Variants in SLIT2 observed in about 807,000 individuals in gnomAD.
SLIT2 encodes slit guidance ligand 2, also known as slit homolog 2 protein.
SLIT2 carries 41 observed loss-of-function variants against 185.7 expected under a neutral mutation model. That is an observed-to-expected ratio of 0.22 (90% CI 0.17 to 0.29). SLIT2 has a LOEUF of 0.29. SLIT2 is among the 10% of genes least tolerant of loss of function. The probability of loss-of-function intolerance (pLI) is 1.00; values close to 1 mark genes in which losing one functional copy is unlikely to be tolerated. For synonymous variants in SLIT2, 693 were observed against 680.2 expected (o/e 1.02, Z -0.29); for missense variants, 1,571 against 1,909.0 (o/e 0.82, Z 3.30).
intron 4 of SLIT2, among the ~76,000 whole-genome samples, chr4:20,428,338 T>A (rs1219173737): frequency 6.6e-6 from 1 of 152,086 alleles, no homozygotes; most frequent in African/African-American, 2.4e-5. Context: ...GCCACATGAG[T>A]CCCCTGGTGC....
chr4:20,455,623 A>G (rs188623871), intron 4 of SLIT2, among the ~76,000 whole-genome samples: 24 of 152,304 alleles, frequency 1.6e-4, no homozygotes, highest in African/African-American at 5.8e-4. Context: ...AATGGAGTAC[A>G]GATACATGCT....
intron 29 of SLIT2, among the ~76,000 whole-genome samples, chr4:20,581,566 T>C (rs1342075264): frequency 2.0e-5 from 3 of 152,158 alleles, no homozygotes; most frequent in Non-Finnish European, 4.4e-5. Flanking sequence ...CTTTCTCTCT[T>C]TCCCCCATGC....
At chr4:20,560,802 A>C (rs1048934337) in intron 26 of SLIT2, among the ~76,000 whole-genome samples, 3 of 151,932 alleles carry the variant, frequency 2.0e-5, no homozygotes, top group African/African-American at 7.3e-5. Flanking sequence ...CATGGAGATG[A>C]ATGATATGTT....
At chr4:20,482,900 A>G (rs1716847648) in intron 6 of SLIT2, among the ~76,000 whole-genome samples, 1 of 151,882 alleles carries the variant, frequency 6.6e-6, no homozygotes, top group Admixed American at 6.6e-5. Context: ...ACTTAAGGCA[A>G]AATTGGAGCA....
intron 4 of SLIT2, among the ~76,000 whole-genome samples, chr4:20,323,247 ACT>A (rs1249077459): frequency 1.3e-5 from 2 of 152,252 alleles, no homozygotes; most frequent in African/African-American, 4.8e-5. Context: ...TCGTATCAAG[ACT>A]CTGATATCTT....
intron 33 of SLIT2, among the ~76,000 whole-genome samples, chr4:20,603,513 T>C (rs1728565448): frequency 6.6e-6 from 1 of 152,158 alleles, no homozygotes; most frequent in Non-Finnish European, 1.5e-5. Context: ...TCTTTTCATC[T>C]AGAAAAACAT....
chr4:20,601,756 A>G (rs572967862), intron 33 of SLIT2, among the ~76,000 whole-genome samples: 2 of 152,344 alleles, frequency 1.3e-5, no homozygotes, highest in African/African-American at 4.8e-5. Flanking sequence ...TGTTGCAATC[A>G]GCTGTCCCAT....
intron 4 of SLIT2, among the ~76,000 whole-genome samples, chr4:20,335,398 T>G (rs1010084156): frequency 1.8e-4 from 28 of 152,324 alleles, no homozygotes; most frequent in African/African-American, 6.3e-4. Context: ...TGGCTTATTA[T>G]TCAATGAATG....
rs536280544 is a variant in SLIT2 at position 20,325,734 on chromosome 4, C to T, written c.395+56853C>T. Among the ~76,000 whole-genome samples, 3 of 152,202 alleles carry T rather than the reference C, an allele frequency of 2.0e-5. No homozygotes were observed. In the East Asian group the frequency reaches 5.8e-4, roughly 29 times the overall value. ...ATTTTGTTTTTGCTAGAAAGGACAC[C>T]ATTCCTTCATCATACTGTTTGGTAT... On this transcript the variant is annotated intron_variant, in intron 4 of 36. Coordinates refer to ENST00000504154, the MANE Select transcript of SLIT2 (RefSeq NM_004787.4).
At chr4:20,321,051 AG>A (rs1188714147) in intron 4 of SLIT2, among the ~76,000 whole-genome samples, 1 of 152,128 alleles carries the variant, frequency 6.6e-6, no homozygotes, top group Non-Finnish European at 1.5e-5. Context: ...GCTACTTGAA[AG>A]GGAGGCGGAG....
chr4:20,450,322 G>T (rs943601464), intron 4 of SLIT2, among the ~76,000 whole-genome samples: 3 of 152,026 alleles, frequency 2.0e-5, no homozygotes, highest in Admixed American at 2.0e-4. Context: ...CTATGGTTTG[G>T]GGCTACATTT....
chr4:20,579,866 A>G (rs1003180976), intron 29 of SLIT2, among the ~76,000 whole-genome samples: 3 of 151,208 alleles, frequency 2.0e-5, no homozygotes, highest in Non-Finnish European at 2.9e-5. Flanking sequence ...AAATTTCAAC[A>G]ATGCTTAATG....
chr4:20,503,558 G>A (rs1718928675), intron 9 of SLIT2, among the ~76,000 whole-genome samples: 1 of 85,218 alleles, frequency 1.2e-5, no homozygotes, highest in African/African-American at 4.6e-5. Context: ...ATGTGCCTAA[G>A]CCCATTTTTT....
chr4:20,354,211 T>A lies in SLIT2; in HGVS notation c.395+85330T>A, dbSNP rs77327166. On this transcript the variant is annotated intron_variant, in intron 4 of 36. Transcript: ENST00000504154. ...CTAAATTAAGACGGAAAGGTAGGTT[T>A]TTTTTCTTTTTTTTTTTAACTTTTC... is the stretch of plus-strand genomic sequence containing the variant. Among the ~76,000 whole-genome samples the A allele has an allele frequency of 4.7e-5, 7 of 150,118 alleles. No individual in the cohort carries two copies. In the East Asian group the frequency reaches 1.4e-3, roughly 29 times the overall value.
intron 24 of SLIT2, 78 bp from the exon 25 acceptor site, chr4:20,550,749 A>G: frequency 2.4e-6 from 2 of 842,568 alleles, no homozygotes; most frequent in East Asian, 5.0e-5. Flanking sequence ...CTTATTATAA[A>G]CTAAAGTCTC....
chr4:20,525,546 A>G (rs1393588779), intron 15 of SLIT2, among the ~76,000 whole-genome samples: 2 of 152,140 alleles, frequency 1.3e-5, no homozygotes, highest in African/African-American at 4.8e-5. Flanking sequence ...GGTTTTAAAG[A>G]CAGAGATCTT....
At chr4:20,336,605 C>A (rs1254525792) in intron 4 of SLIT2, among the ~76,000 whole-genome samples, 2 of 152,062 alleles carry the variant, frequency 1.3e-5, no homozygotes, top group Non-Finnish European at 2.9e-5. Flanking sequence ...GGGTGCAGCA[C>A]ACCAACATGG....
At chr4:20,536,046 A>G (rs1184130662) in intron 18 of SLIT2, among the ~76,000 whole-genome samples, 1 of 152,186 alleles carries the variant, frequency 6.6e-6, no homozygotes, top group Non-Finnish European at 1.5e-5. Context: ...GGCAATTGTT[A>G]CTAACACAAT....
intron 4 of SLIT2, among the ~76,000 whole-genome samples, chr4:20,458,767 G>C (rs558190643): frequency 6.6e-6 from 1 of 152,296 alleles, no homozygotes; most frequent in African/African-American, 2.4e-5. Flanking sequence ...CTTACTAGCT[G>C]TATGGCCACA....
Sources: gnomAD v4.1 joint callset for allele counts (sites outside exome capture counted in the v4.1 genomes callset) on GRCh38, gnomAD v4.1.1 for gene constraint, MANE v1.5 for transcripts, NCBI Gene and HGNC (gene_info 2026-07-23, HGNC 2026-07-21) for gene names.